C1orf105: variants seen among roughly 807,000 people sequenced by gnomAD.
C1orf105 encodes chromosome 1 open reading frame 105, also known as uncharacterized protein C1orf105.
Under a neutral mutation model 20.8 loss-of-function variants are expected in C1orf105, and 17 were observed. That is an observed-to-expected ratio of 0.82 (90% CI 0.56 to 1.23). C1orf105 has a LOEUF of 1.23. Among genes scored for constraint, C1orf105 ranks in the 50% most tolerant of loss-of-function variants. The pLI, the probability that C1orf105 is intolerant of heterozygous loss-of-function variation, is 0.00. For missense variants in C1orf105, 219 were observed against 213.5 expected (o/e 1.03, Z -0.16); for synonymous variants, 72 against 72.1 (o/e 1.00, Z 0.01).
intron 1 of C1orf105, among the ~76,000 whole-genome samples, chr1:172,433,216 A>G (rs1019344410): frequency 2.0e-5 from 3 of 152,002 alleles, no homozygotes; most frequent in African/African-American, 7.2e-5. Flanking sequence ...CAGCCTAGCA[A>G]GGCAGGCCAA....
intron 1 of C1orf105, among the ~76,000 whole-genome samples, chr1:172,424,603 C>T (rs749156553): frequency 2.0e-5 from 3 of 152,126 alleles, no homozygotes; most frequent in Non-Finnish European, 4.4e-5. Flanking sequence ...GTTGGCCAGG[C>T]TGGTCTTAAA....
intron 1 of C1orf105, among the ~76,000 whole-genome samples, chr1:172,423,604 C>A (rs985981772): frequency 1.3e-5 from 2 of 152,046 alleles, no homozygotes; most frequent in Non-Finnish European, 1.5e-5. Context: ...ATGCCCTTAC[C>A]AAACAAACTA....
chr1:172,444,093 G>T (rs1647685666), intron 1 of C1orf105: 2 of 996,158 alleles, frequency 2.0e-6, no homozygotes, highest in Admixed American at 6.1e-5. Flanking sequence ...CGGGTCCGCC[G>T]CAATCTCCTT....
intron 1 of C1orf105, chr1:172,442,561 C>T (rs1395600266): frequency 4.3e-6 from 7 of 1,614,012 alleles, no homozygotes; most frequent in Non-Finnish European, 5.9e-6. Context: ...AAAGGGCTGT[C>T]GCTCATACAA....
At chr1:172,427,360 C>A (rs2071750111) in intron 1 of C1orf105, among the ~76,000 whole-genome samples, 2 of 152,132 alleles carry the variant, frequency 1.3e-5, no homozygotes, top group Admixed American at 1.3e-4. Context: ...CCCAGCAATT[C>A]TTCCCTCTCT....
At chr1:172,424,989 C>G (rs954597518) in intron 1 of C1orf105, among the ~76,000 whole-genome samples, 1 of 152,194 alleles carries the variant, frequency 6.6e-6, no homozygotes, top group East Asian at 1.9e-4. Flanking sequence ...AGAAGCAGCT[C>G]CTCTTGAGCC....
chr1:172,435,547 C>G (rs1212593610), intron 1 of C1orf105, among the ~76,000 whole-genome samples: 3 of 152,082 alleles, frequency 2.0e-5, no homozygotes, highest in Non-Finnish European at 2.9e-5. Context: ...ATTCAACAGC[C>G]CTTCATGCTA....
intron 4 of C1orf105, among the ~76,000 whole-genome samples, 159 bp downstream of exon 4, chr1:172,456,648 C>T (rs1649283380): frequency 6.6e-6 from 1 of 152,134 alleles, no homozygotes; most frequent in Non-Finnish European, 1.5e-5. Flanking sequence ...GGAGCAGCAT[C>T]GACTGACAGA....
intron 1 of C1orf105, among the ~76,000 whole-genome samples, chr1:172,430,002 A>G (rs2071826482): frequency 6.6e-6 from 1 of 152,216 alleles, no homozygotes; most frequent in African/African-American, 2.4e-5. Context: ...AGTGATAAGA[A>G]GCAGAGCTGG....
intron 4 of C1orf105, 76 bp downstream of exon 4, chr1:172,456,565 G>A (rs967071864): frequency 1.4e-6 from 2 of 1,427,336 alleles, no homozygotes; most frequent in East Asian, 2.3e-5. Context: ...AAGCCCTGTG[G>A]GGAGAGATAG....
At chr1:172,455,859 G>T (rs975984692) in intron 3 of C1orf105, among the ~76,000 whole-genome samples, 1 of 152,104 alleles carries the variant, frequency 6.6e-6, no homozygotes, top group African/African-American at 2.4e-5. Context: ...GGGCCAAATG[G>T]TGCTGGACCA....
chr1:172,435,870 C>A (rs1346430222), intron 1 of C1orf105, among the ~76,000 whole-genome samples: 3 of 152,186 alleles, frequency 2.0e-5, no homozygotes, highest in Non-Finnish European at 4.4e-5. Context: ...CCAAAATCTC[C>A]TTAAGCTGAT....
In C1orf105 at chr1:172,432,510, T is replaced by A. The variant is rs141292117; in HGVS notation, c.21+11604T>A. Among the ~76,000 whole-genome samples the A allele has an allele frequency of 7.7e-3, 1,176 of 152,304 alleles. 19 individuals carry two copies. The highest frequency in any genetic ancestry group is 0.026 in the African/African-American group (1,082 of 41,554). On this transcript the variant is annotated intron_variant, in intron 1 of 6. Transcript: ENST00000367727. The stretch of plus-strand genomic sequence containing the variant: ...GACCTCCAGCAAACTCCAACAGACC[T>A]GCAGCTGAGGGACCCGACTGTTAGA...
At chr1:172,453,198 C>A in intron 3 of C1orf105, 1 of 1,550,314 alleles carries the variant, frequency 6.5e-7, no homozygotes, top group Non-Finnish European at 8.7e-7. Flanking sequence ...AGGTAGAGTA[C>A]AGCACAGATC....
At chr1:172,461,357 A>T (rs1020894620) in intron 4 of C1orf105, among the ~76,000 whole-genome samples, 1 of 152,246 alleles carries the variant, frequency 6.6e-6, no homozygotes, top group African/African-American at 2.4e-5. Context: ...AACTTAAATC[A>T]TGAGTCACTT....
At position 172,465,371 on chromosome 1, in the gene C1orf105, T is replaced by G; in HGVS notation, c.406+8T>G. On this transcript the variant is annotated splice_region_variant and intron_variant, in intron 6 of 6. Transcript: ENST00000367727. Reference sequence around the variant, plus strand: ...ATGATGACATCCCAACAGGTTTGCTTTCTTTTAGAGTACTTATAGTGTGAA... The same window carrying G: ...ATGATGACATCCCAACAGGTTTGCTGTCTTTTAGAGTACTTATAGTGTGAA... The G allele has an allele frequency of 6.3e-7, 1 of 1,597,256 alleles. No homozygotes were observed. Among genetic ancestry groups the G allele is most frequent in the Non-Finnish European group, 8.6e-7 (1 of 1,164,682 alleles).
intron 1 of C1orf105, among the ~76,000 whole-genome samples, chr1:172,434,281 C>T (rs1378863024): frequency 1.3e-5 from 2 of 152,190 alleles, no homozygotes; most frequent in Non-Finnish European, 2.9e-5. Context: ...ACTCTCCACC[C>T]CACATCAACA....
chr1:172,456,440 T>G lies in C1orf105; in HGVS notation c.224T>G (p.Met75Arg), dbSNP rs1400326195. 3.7e-6 allele frequency: 6 copies of G among 1,613,456 alleles called. No individual in the cohort carries two copies. Among genetic ancestry groups the G allele is most frequent in the Non-Finnish European group, 5.1e-6 (6 of 1,180,022 alleles). Residue 75 changes from methionine (M) to arginine (R), a missense_variant, in exon 4 of 7, where the codon ATG becomes AGG. Transcript: ENST00000367727. ...SKARRNQCDS[M>R]LLRNQQLCST... Reference sequence around the variant, plus strand: ...GCCAGGAGGAACCAGTGTGACTCCATGCTGCTCAGAAACCAACAGCTGTGC... The same window carrying G: ...GCCAGGAGGAACCAGTGTGACTCCAGGCTGCTCAGAAACCAACAGCTGTGC...
chr1:172,461,440 A>G (rs1397465148), intron 4 of C1orf105, among the ~76,000 whole-genome samples: 4 of 152,322 alleles, frequency 2.6e-5, no homozygotes, highest in Admixed American at 1.3e-4. Context: ...TTTTATTATT[A>G]TAGCTACAAT....
Sources: gnomAD v4.1 joint callset for allele counts (sites outside exome capture counted in the v4.1 genomes callset) on GRCh38, gnomAD v4.1.1 for gene constraint, MANE v1.5 for transcripts, NCBI Gene and HGNC (gene_info 2026-07-23, HGNC 2026-07-21) for gene names.